SMARCA2: variants seen among roughly 807,000 people sequenced by gnomAD.
SMARCA2 encodes the protein SWI/SNF-related matrix-associated actin-dependent regulator of chromatin subfamily A member 2.
In SMARCA2, 61 loss-of-function variants were observed where a neutral mutation model predicts 199.8. The observed-to-expected ratio is 0.31, with a 90% confidence interval of 0.25 to 0.38. SMARCA2 has a LOEUF of 0.38. SMARCA2 is among the 10% of genes least tolerant of loss of function. The pLI, the probability that SMARCA2 is intolerant of heterozygous loss-of-function variation, is 1.00. For missense variants in SMARCA2, 1,344 were observed against 2,012.2 expected (o/e 0.67, Z 6.35); for synonymous variants, 935 against 732.0 (o/e 1.28, Z -4.48).
At chr9:2,087,537 C>T (rs919757878) in intron 18 of SMARCA2, among the ~76,000 whole-genome samples, 1 of 152,054 alleles carries the variant, frequency 6.6e-6, no homozygotes, top group African/African-American at 2.4e-5. Context: ...ACATTTTCTG[C>T]AGACCTTTTT....
At chr9:2,113,784 G>T (rs1563776970) in intron 24 of SMARCA2, among the ~76,000 whole-genome samples, 1 of 152,144 alleles carries the variant, frequency 6.6e-6, no homozygotes, top group East Asian at 1.9e-4. Flanking sequence ...ATATTCTGCT[G>T]CCCCCTGCAA....
At chr9:2,081,196 A>C (rs1341671534) in intron 14 of SMARCA2, among the ~76,000 whole-genome samples, 1 of 152,212 alleles carries the variant, frequency 6.6e-6, no homozygotes, top group Non-Finnish European at 1.5e-5. Flanking sequence ...TTTGTACTTA[A>C]CGTGGGGAAT....
intron 13 of SMARCA2, 54 bp from the exon 14 acceptor site, chr9:2,077,575 A>G: frequency 6.4e-7 from 1 of 1,560,932 alleles, no homozygotes; most frequent in Non-Finnish European, 8.8e-7. Context: ...GTGAAGTAAA[A>G]CAACACATGC....
intron 14 of SMARCA2, 124 bp from the exon 15 acceptor site, chr9:2,081,708 C>G (rs1406035060): frequency 1.4e-6 from 1 of 736,090 alleles, no homozygotes; most frequent in East Asian, 2.6e-5. Flanking sequence ...CCCCCATTTT[C>G]CTACTGTGGG....
In SMARCA2 at chr9:2,110,833, A is replaced by C. The variant is rs146247366; in HGVS notation, c.3456+416A>C. On this transcript the variant is annotated intron_variant, in intron 24 of 33. Transcript: ENST00000349721. This position sits in a 1 kb window ranked among gnomAD's most constrained non-coding sequence, Gnocchi z 4.8. Reference sequence around the variant, plus strand: ...TTACGACAACCCTGTCAGACGGTTAATATGATTTGAATCTTTGCAGTCAAG... The same window carrying C: ...TTACGACAACCCTGTCAGACGGTTACTATGATTTGAATCTTTGCAGTCAAG... 1.1e-4 allele frequency among the ~76,000 whole-genome samples: 17 copies of C among 152,316 alleles called. No individual in the cohort carries two copies. The highest frequency in any genetic ancestry group is 4.1e-4 in the African/African-American group (17 of 41,570).
chr9:2,079,886 C>G, intron 14 of SMARCA2: 1 of 152,236 alleles, frequency 6.6e-6, no homozygotes, highest in East Asian at 1.9e-4. Flanking sequence ...CAGTCTTCAT[C>G]ACTCTCTTTT....
intron 19 of SMARCA2, among the ~76,000 whole-genome samples, chr9:2,092,959 C>G (rs547597813): frequency 3.2e-4 from 48 of 152,310 alleles, no homozygotes; most frequent in African/African-American, 1.2e-3. Context: ...AAAAACTTCT[C>G]TCGTCACTGT....
intron 27 of SMARCA2, chr9:2,159,679 G>T: frequency 9.1e-7 from 1 of 1,104,706 alleles, no homozygotes; most frequent in Non-Finnish European, 1.3e-6. Flanking sequence ...GGAAGCCTTC[G>T]GGCCTTGTAG....
At chr9:2,070,730 A>G (rs1254136658) in intron 10 of SMARCA2, among the ~76,000 whole-genome samples, 1 of 152,218 alleles carries the variant, frequency 6.6e-6, no homozygotes, top group Non-Finnish European at 1.5e-5. Context: ...TGCACATATA[A>G]TCGTATGTTT....
At chr9:2,069,453 G>T (rs111547021) in intron 9 of SMARCA2, among the ~76,000 whole-genome samples, 10 of 151,792 alleles carry the variant, frequency 6.6e-5, no homozygotes, top group African/African-American at 2.2e-4. Flanking sequence ...CAGCTACTTG[G>T]GAGGCTGAGG....
rs77406154 is a variant in SMARCA2, at chr9:2,097,377, G to T, written c.2992-8G>T. 6.3e-7 allele frequency: 1 copy of T among 1,576,430 alleles called. No individual in the cohort carries two copies. The highest frequency in any genetic ancestry group is 8.7e-7 in the Non-Finnish European group (1 of 1,148,622). On this transcript the variant is annotated splice_polypyrimidine_tract_variant and splice_region_variant and intron_variant, in intron 20 of 33. Transcript: ENST00000349721. ...TAATTCTATTTTTCCCTTTCCACTGGTTCTTAGGGGAAAGGAGGTGCTAAG... is the reference window on the plus strand; with the variant it reads ...TAATTCTATTTTTCCCTTTCCACTGTTTCTTAGGGGAAAGGAGGTGCTAAG...
In SMARCA2 at chr9:2,086,366, T is replaced by C. The variant is rs1821804180; in HGVS notation, c.2527-463T>C. 6.6e-6 allele frequency among the ~76,000 whole-genome samples: 1 copy of C among 152,192 alleles called. No individual in the cohort carries two copies. The highest frequency in any genetic ancestry group is 1.5e-5 in the Non-Finnish European group (1 of 68,032). On this transcript the variant is annotated intron_variant, in intron 17 of 33. Coordinates refer to ENST00000349721, the MANE Select transcript of SMARCA2 (RefSeq NM_003070.5). This position sits in a 1 kb window ranked among gnomAD's most constrained non-coding sequence, Gnocchi z 4.3. ...CATGGAGCCAAGAATATCTCAGCTG[T>C]AGAACCTGCTAGGGCCATCTTGGAA...
At chr9:2,091,328 C>G (rs533413948) in intron 19 of SMARCA2, among the ~76,000 whole-genome samples, 3 of 152,274 alleles carry the variant, frequency 2.0e-5, no homozygotes, top group African/African-American at 4.8e-5. Flanking sequence ...CTGTCTATAG[C>G]TTTATCTTTT....
At position 2,017,096 on chromosome 9, in the gene SMARCA2, C is replaced by A. The variant is rs1458310200; in HGVS notation, c.-37+1692C>A. On this transcript the variant is annotated intron_variant, in intron 1 of 33. Coordinates refer to ENST00000349721, the MANE Select transcript of SMARCA2 (RefSeq NM_003070.5). The surrounding 1 kb of genome is among the most constrained non-coding windows in gnomAD (Gnocchi z 8.8). The stretch of plus-strand genomic sequence containing the variant: ...GGGGCACTTGGGCCGGTTTCCGGTA[C>A]ACGCGGGGAAATCGCCTCCTGCCAG... 2 of 152,288 alleles carry A rather than the reference C, an allele frequency of 1.3e-5. No individual in the cohort carries two copies. Among genetic ancestry groups the A allele is most frequent in the African/African-American group, 4.8e-5 (2 of 41,448 alleles). 9.4% of individuals were successfully genotyped at this position (152,288 alleles called of 1,614,324 possible).
intron 27 of SMARCA2, among the ~76,000 whole-genome samples, chr9:2,142,519 G>C (rs1284329249): frequency 1.3e-5 from 2 of 152,180 alleles, no homozygotes; most frequent in Non-Finnish European, 2.9e-5. Context: ...ACTTCAGCAA[G>C]GGTGATTCCA....
At chr9:2,146,184 T>C (rs938123024) in intron 27 of SMARCA2, among the ~76,000 whole-genome samples, 33 of 152,196 alleles carry the variant, frequency 2.2e-4, no homozygotes, top group African/African-American at 7.5e-4. Flanking sequence ...CAGTGCCTTT[T>C]TGCTGTGTCC....
chr9:2,131,916 C>T (rs1201459223), intron 27 of SMARCA2, among the ~76,000 whole-genome samples: 34 of 136,812 alleles, frequency 2.5e-4, no homozygotes, highest in Non-Finnish European at 7.6e-5. Flanking sequence ...TGCAGCCTGG[C>T]GACAGAGCAA....
At chr9:2,154,413 C>G (rs1221849383) in intron 27 of SMARCA2, among the ~76,000 whole-genome samples, 1 of 152,138 alleles carries the variant, frequency 6.6e-6, no homozygotes, top group Non-Finnish European at 1.5e-5. Context: ...TTGATTTCTT[C>G]TGTTGCTTTA....
intron 3 of SMARCA2, among the ~76,000 whole-genome samples, chr9:2,035,052 A>ATT (rs1660662306): frequency 7.0e-6 from 1 of 142,278 alleles, no homozygotes; most frequent in Non-Finnish European, 1.5e-5. Flanking sequence ...TTATTTATTT[A>ATT]TATTTTTGAG....
Sources: allele counts gnomAD v4.1 joint callset (sites outside exome capture counted in the v4.1 genomes callset), GRCh38; gene constraint gnomAD v4.1.1; non-coding constraint Gnocchi (gnomAD v3.1); transcripts MANE v1.5; gene names NCBI Gene and HGNC (gene_info 2026-07-23, HGNC 2026-07-21).